The following USP15 variants were observed in gnomAD, a reference collection of about 807,000 sequenced individuals.
USP15 encodes ubiquitin carboxyl-terminal hydrolase 15.
USP15 carries 18 observed loss-of-function variants against 127.1 expected under a neutral mutation model. The ratio of observed to expected loss-of-function variants is 0.14; its 90% CI spans 0.10 to 0.21. The LOEUF is 0.21. Among genes scored for constraint, USP15 ranks in the 10% least tolerant of loss-of-function variants. The probability of loss-of-function intolerance (pLI) is 1.00; values close to 1 mark genes in which losing one functional copy is unlikely to be tolerated. For missense variants in USP15, 805 were observed against 1,159.9 expected (o/e 0.69, Z 4.44); for synonymous variants, 364 against 393.7 (o/e 0.92, Z 0.89).
chr12:62,357,579 T>C (rs953989680), intron 8 of USP15, among the ~76,000 whole-genome samples: 2 of 152,136 alleles, frequency 1.3e-5, no homozygotes, highest in Non-Finnish European at 2.9e-5. Context: ...GACAAAAATT[T>C]TAGCAGTGAG....
At chr12:62,367,780 T>C (rs1393538661) in intron 8 of USP15, among the ~76,000 whole-genome samples, 1 of 152,182 alleles carries the variant, frequency 6.6e-6, no homozygotes, top group East Asian at 1.9e-4. Context: ...TCATTGATTT[T>C]TTTGAAAGGT....
At chr12:62,306,407 C>G (rs951734625) in intron 3 of USP15, among the ~76,000 whole-genome samples, 1 of 152,110 alleles carries the variant, frequency 6.6e-6, no homozygotes, top group African/African-American at 2.4e-5. Flanking sequence ...GGGCCTTAAA[C>G]AAACCGTTAG....
intron 6 of USP15, among the ~76,000 whole-genome samples, chr12:62,330,266 T>C (rs2065250391): frequency 6.6e-6 from 1 of 151,898 alleles, no homozygotes; most frequent in Non-Finnish European, 1.5e-5. Context: ...ATACAGATTC[T>C]TTTTTCTGGA....
Position 62,304,126 on chromosome 12 carries a change from C to T in USP15, c.348+1206C>T, listed in dbSNP as rs549211981. 4.6e-5 allele frequency among the ~76,000 whole-genome samples: 7 copies of T among 152,150 alleles called. No individual in the cohort carries two copies. The South Asian group carries it at 1.2e-3, about 27-fold the overall frequency. On this transcript the variant is annotated intron_variant, in intron 3 of 21. Coordinates refer to ENST00000280377, the MANE Select transcript of USP15 (RefSeq NM_001252078.2). ...ATAAATGTAGCACATTATACACTAG[C>T]GGTCTTCAGTATGATAAACAGATCA...
In USP15 at chr12:62,413,126, A is replaced by G. The variant is rs1565929800; in HGVS notation, c.*8751A>G. On this transcript the variant is annotated 3_prime_UTR_variant, in exon 22 of 22. Coordinates refer to ENST00000280377, the MANE Select transcript of USP15 (RefSeq NM_001252078.2). The stretch of plus-strand genomic sequence containing the variant: ...TCTTGGGTGACCAGGTGCACTTGTC[A>G]ATGAGCAGTAATATTTTGAAAGGAA... 1 of 152,208 alleles carries G rather than the reference A, an allele frequency of 6.6e-6. No homozygotes were observed. The highest frequency in any genetic ancestry group is 1.5e-5 in the Non-Finnish European group (1 of 68,032). The allele number at this position is 152,208 out of a possible 1,614,324, so 9.4% of individuals were successfully genotyped here.
At position 62,410,029 on chromosome 12, in the gene USP15, G is replaced by A. The variant is rs2068000565; in HGVS notation, c.*5654G>A. On this transcript the variant is annotated 3_prime_UTR_variant, in exon 22 of 22. Transcript: ENST00000280377. The stretch of plus-strand genomic sequence containing the variant: ...AAGTAATTTAGACTAATGTATTAAA[G>A]TGTTCACTTATGTCTAGTCATATGC... The A allele has an allele frequency of 6.6e-6, 1 of 152,016 alleles. No homozygotes were observed. Among genetic ancestry groups the A allele is most frequent in the Non-Finnish European group, 1.5e-5 (1 of 68,002 alleles). 9.4% of individuals were successfully genotyped at this position (152,016 alleles called of 1,614,324 possible).
chr12:62,283,737 G>A (rs998007816), intron 1 of USP15, among the ~76,000 whole-genome samples: 2 of 152,180 alleles, frequency 1.3e-5, no homozygotes, highest in East Asian at 1.9e-4. Context: ...GAGGCCAGGA[G>A]TTTGAGACCA....
Position 62,389,955 on chromosome 12 carries a change from A to T in USP15, c.1811A>T (p.Asp604Val). Reference protein sequence around the residue: ...LMAVPRNNTEDKLYNLLLLRM... With the variant: ...LMAVPRNNTEVKLYNLLLLRM... Reference sequence around the variant, plus strand: ...GCTGTACCACGAAACAATACTGAAGACAAACTTTATAATCTCCTGCTCTTG... The same window carrying T: ...GCTGTACCACGAAACAATACTGAAGTCAAACTTTATAATCTCCTGCTCTTG... The change falls in exon 14 of 22, where the codon GAC becomes GTC. Residue 604 changes from aspartate (D) to valine (V), a missense_variant. Around this residue, in one of 11 missense-constraint regions of USP15, gnomAD observed 225 missense variants for 239.5 expected, o/e 0.94. Coordinates refer to ENST00000280377, the MANE Select transcript of USP15 (RefSeq NM_001252078.2). 1 of 1,611,534 alleles carries T rather than the reference A, an allele frequency of 6.2e-7. No individual in the cohort carries two copies. Among genetic ancestry groups the T allele is most frequent in the Non-Finnish European group, 8.5e-7 (1 of 1,178,804 alleles).
chr12:62,261,197 G>C (rs1465135341), intron 1 of USP15, among the ~76,000 whole-genome samples: 1 of 152,124 alleles, frequency 6.6e-6, no homozygotes, highest in Non-Finnish European at 1.5e-5. Flanking sequence ...CTGTTTGAAA[G>C]ATAATGTAGG....
At chr12:62,317,463 T>G (rs2064865299) in intron 4 of USP15, among the ~76,000 whole-genome samples, 1 of 152,204 alleles carries the variant, frequency 6.6e-6, no homozygotes, top group Non-Finnish European at 1.5e-5. Context: ...ATCTCTCAAT[T>G]GCTGCCTTAC....
intron 8 of USP15, among the ~76,000 whole-genome samples, chr12:62,363,069 C>T (rs939779747): frequency 6.6e-6 from 1 of 152,084 alleles, no homozygotes; most frequent in African/African-American, 2.4e-5. Flanking sequence ...AAAGCCAGAT[C>T]ATATAGGGAG....
intron 1 of USP15, among the ~76,000 whole-genome samples, chr12:62,276,618 C>A (rs773727242): frequency 1.3e-4 from 20 of 152,000 alleles, no homozygotes; most frequent in Admixed American, 2.6e-4. Flanking sequence ...TCACTGGTTG[C>A]TCTAGTTACC....
chr12:62,317,078 A>G (rs1009614505), intron 4 of USP15, among the ~76,000 whole-genome samples: 1 of 152,076 alleles, frequency 6.6e-6, no homozygotes, highest in Non-Finnish European at 1.5e-5. Flanking sequence ...TGAATGGGAG[A>G]TATTAGAATA....
At chr12:62,332,755 T>A (rs960954379) in intron 6 of USP15, among the ~76,000 whole-genome samples, 2 of 152,206 alleles carry the variant, frequency 1.3e-5, no homozygotes, top group Non-Finnish European at 1.5e-5. Flanking sequence ...TGGAAAACCA[T>A]GCTAATAGCT....
chr12:62,325,532 A>G (rs577048881), intron 5 of USP15, among the ~76,000 whole-genome samples: 1 of 152,210 alleles, frequency 6.6e-6, no homozygotes, highest in South Asian at 2.1e-4. Flanking sequence ...TGTTCAACCT[A>G]CAAATACAAA....
At chr12:62,320,972 TC>T (rs1473291384) in intron 4 of USP15, among the ~76,000 whole-genome samples, 1 of 152,080 alleles carries the variant, frequency 6.6e-6, no homozygotes, top group Non-Finnish European at 1.5e-5. Flanking sequence ...AGACATCCCT[TC>T]AAACAAGGCA....
intron 1 of USP15, among the ~76,000 whole-genome samples, chr12:62,263,080 ATAAGTATAAATT>A (rs1443285447): frequency 6.6e-6 from 1 of 152,250 alleles, no homozygotes; most frequent in Non-Finnish European, 1.5e-5. Flanking sequence ...GAATAATTTG[ATAAGTATAAATT>A]TGATGATGAA....
chr12:62,275,155 GGA>G (rs991980824), intron 1 of USP15, among the ~76,000 whole-genome samples: 2 of 151,948 alleles, frequency 1.3e-5, no homozygotes, highest in Non-Finnish European at 2.9e-5. Flanking sequence ...ATGGGTAAAT[GGA>G]GAGAGAGAGG....
intron 3 of USP15, among the ~76,000 whole-genome samples, chr12:62,308,506 C>T (rs1159041961): frequency 1.3e-5 from 2 of 152,080 alleles, no homozygotes; most frequent in Non-Finnish European, 2.9e-5. Flanking sequence ...CCCTCATCCC[C>T]TCCCCTCGGA....
Sources: gnomAD v4.1 joint callset for allele counts (sites outside exome capture counted in the v4.1 genomes callset) on GRCh38, gnomAD v4.1.1 for gene constraint, gnomAD v4.1.1 regional missense constraint, MANE v1.5 for transcripts, NCBI Gene and HGNC (gene_info 2026-07-23, HGNC 2026-07-21) for gene names.